Variants in ATP2B2 observed in about 807,000 individuals in gnomAD.
The protein encoded by ATP2B2 is plasma membrane calcium-transporting ATPase 2.
ATP2B2 carries 15 observed loss-of-function variants against 120.0 expected under a neutral mutation model. The observed-to-expected ratio is 0.12, with a 90% CI of 0.08 to 0.19. The LOEUF (loss-of-function observed/expected upper bound fraction) is 0.19, where lower values mean the gene tolerates loss of function less well. Among genes scored for constraint, ATP2B2 ranks in the 10% least tolerant of loss-of-function variants. The pLI, the probability that ATP2B2 is intolerant of heterozygous loss-of-function variation, is 1.00. For synonymous variants in ATP2B2, 694 were observed against 700.3 expected, an observed-to-expected ratio of 0.99 and a Z score of 0.14; for missense variants, 1,045 against 1,719.8, an observed-to-expected ratio of 0.61 and a Z score of 6.94.
At chr3:10,532,791 T>A (rs1187035534) in intron 3 of ATP2B2, among the ~76,000 whole-genome samples, 1 of 152,218 alleles carries the variant, frequency 6.6e-6, no homozygotes, top group Non-Finnish European at 1.5e-5. Flanking sequence ...TCTGCTTGTT[T>A]GCTCCCTCCC....
At chr3:10,345,865 T>C (rs2060416191) in intron 17 of ATP2B2, among the ~76,000 whole-genome samples, 166 bp downstream of exon 17, 1 of 152,160 alleles carries the variant, frequency 6.6e-6, no homozygotes, top group Non-Finnish European at 1.5e-5. Flanking sequence ...CCTATGCCTT[T>C]CCAGGAAGAC....
Position 10,402,374 on chromosome 3 carries a change from G to T in ATP2B2, c.398-26C>A. 6.2e-7 allele frequency: 1 copy of T among 1,610,908 alleles called. No individual in the cohort carries two copies. On this transcript the variant is annotated intron_variant, in intron 3 of 22. Transcript: ENST00000360273. The surrounding 1 kb of genome is among the most constrained non-coding windows in gnomAD (Gnocchi z 4.9). ...CTGAAAGACCAGATAGAAGCAGGCA[G>T]AGTGAGGTCAACCAGACAGGAGAGG...
intron 19 of ATP2B2, among the ~76,000 whole-genome samples, chr3:10,341,804 A>G (rs918069655): frequency 1.3e-5 from 2 of 152,230 alleles, no homozygotes; most frequent in Admixed American, 6.5e-5. Flanking sequence ...AGTTCTGCAT[A>G]TAAGTGGCTT....
chr3:10,617,332 AGGG>A (rs1333166235), intron 2 of ATP2B2, among the ~76,000 whole-genome samples: 1 of 152,256 alleles, frequency 6.6e-6, no homozygotes, highest in Non-Finnish European at 1.5e-5. Context: ...AAAGATTCCC[AGGG>A]TTTCTGTTAT....
chr3:10,705,603 G>A (rs533336233), intron 1 of ATP2B2, among the ~76,000 whole-genome samples: 1 of 152,232 alleles, frequency 6.6e-6, no homozygotes, highest in South Asian at 2.1e-4. Context: ...AGGGAAGCAT[G>A]GTAGCCCAGC....
intron 1 of ATP2B2, among the ~76,000 whole-genome samples, chr3:10,629,040 C>G (rs2069788161): frequency 6.6e-6 from 1 of 152,220 alleles, no homozygotes; most frequent in South Asian, 2.1e-4. Context: ...AGCTGCCTAA[C>G]ACACGGTTTT....
chr3:10,494,911 C>T (rs968849854), intron 1 of ATP2B2, among the ~76,000 whole-genome samples: 4 of 152,214 alleles, frequency 2.6e-5, no homozygotes, highest in African/African-American at 9.6e-5. Flanking sequence ...CAGTAACTCA[C>T]TGAGGGGGAT....
chr3:10,404,435 C>T (rs967023768), intron 3 of ATP2B2, among the ~76,000 whole-genome samples: 7 of 152,248 alleles, frequency 4.6e-5, no homozygotes, highest in African/African-American at 1.7e-4. Flanking sequence ...AACCACTGTG[C>T]CTGCCTTGTT....
chr3:10,612,446 T>G (rs1334450086), intron 2 of ATP2B2, among the ~76,000 whole-genome samples: 25 of 152,162 alleles, frequency 1.6e-4, no homozygotes, highest in Admixed American at 1.6e-3. Flanking sequence ...TGGGGACCCC[T>G]GCGTACTCCC....
chr3:10,466,368 G>C (rs764029827), intron 1 of ATP2B2, among the ~76,000 whole-genome samples: 1 of 152,320 alleles, frequency 6.6e-6, no homozygotes, highest in Middle Eastern at 3.4e-3. Context: ...TTGTGTATAA[G>C]CTAGCCTGCA....
At chr3:10,623,667 G>A (rs1292544382) in intron 1 of ATP2B2, among the ~76,000 whole-genome samples, 2 of 152,206 alleles carry the variant, frequency 1.3e-5, no homozygotes, top group Non-Finnish European at 2.9e-5. Context: ...GGGTGACAAT[G>A]AGGTTCCAGT....
intron 1 of ATP2B2, among the ~76,000 whole-genome samples, chr3:10,676,646 A>C (rs1320226653): frequency 6.6e-6 from 1 of 152,166 alleles, no homozygotes; most frequent in Non-Finnish European, 1.5e-5. Flanking sequence ...TCTCCAATAA[A>C]CAGAATGGCT....
rs574785934 is a variant in ATP2B2, at chr3:10,449,772, G to A, written c.-229C>T. ...GTGGGACGAGGTCCAGGGGCCGGAG[G>A]GGCTCAGGGCTGTAGACCCAGGAGT... is the stretch of plus-strand genomic sequence containing the variant. On this transcript the variant is annotated 5_prime_UTR_variant, in exon 2 of 23. Transcript: ENST00000360273. The A allele has an allele frequency of 1.5e-5, 9 of 604,012 alleles. No homozygotes were observed. The highest frequency in any genetic ancestry group is 5.0e-5 in the Admixed American group (2 of 39,996). The allele number at this position is 604,012 out of a possible 1,614,324, so 37.4% of individuals were successfully genotyped here.
chr3:10,515,208 C>T (rs1042885844), intron 3 of ATP2B2, among the ~76,000 whole-genome samples: 1 of 152,158 alleles, frequency 6.6e-6, no homozygotes, highest in African/African-American at 2.4e-5. Context: ...TCTATTAATA[C>T]ATCTGTAAAG....
intron 12 of ATP2B2, among the ~76,000 whole-genome samples, chr3:10,364,944 T>C (rs770782716): frequency 6.6e-6 from 1 of 152,218 alleles, no homozygotes; most frequent in Non-Finnish European, 1.5e-5. Flanking sequence ...GCTGTAGCCA[T>C]GCCCGTTTCC....
chr3:10,621,543 G>A (rs536013989), intron 1 of ATP2B2, among the ~76,000 whole-genome samples: 2 of 152,374 alleles, frequency 1.3e-5, no homozygotes, highest in Admixed American at 6.5e-5. Flanking sequence ...CACACAGCCA[G>A]GGAGTGGCAG....
chr3:10,469,845 T>G (rs1183233468), intron 1 of ATP2B2, among the ~76,000 whole-genome samples: 1 of 152,012 alleles, frequency 6.6e-6, no homozygotes, highest in Non-Finnish European at 1.5e-5. Flanking sequence ...CCTCCAGCCT[T>G]TGGGGAGAGG....
intron 16 of ATP2B2, among the ~76,000 whole-genome samples, chr3:10,349,282 G>A (rs1407691810): frequency 6.6e-6 from 1 of 152,064 alleles, no homozygotes; most frequent in Non-Finnish European, 1.5e-5. Flanking sequence ...GTGAGACCCT[G>A]TCTCTATAAA....
chr3:10,524,208 G>A (rs758981251), intron 3 of ATP2B2, among the ~76,000 whole-genome samples: 13 of 152,144 alleles, frequency 8.5e-5, no homozygotes, highest in East Asian at 1.9e-4. Flanking sequence ...CATCCTGAAC[G>A]TGGGAGCCTC....
Sources: allele counts gnomAD v4.1 joint callset (sites outside exome capture counted in the v4.1 genomes callset), GRCh38; gene constraint gnomAD v4.1.1; non-coding constraint Gnocchi (gnomAD v3.1); transcripts MANE v1.5; gene names NCBI Gene and HGNC (gene_info 2026-07-23, HGNC 2026-07-21).